OR10J1: variants seen among roughly 807,000 people sequenced by gnomAD.
OR10J1 encodes olfactory receptor 10J1.
For synonymous variants in OR10J1, 202 were observed against 143.8 expected, an observed-to-expected ratio of 1.40 and a Z score of -2.89; for missense variants, 474 against 376.6, an observed-to-expected ratio of 1.26 and a Z score of -2.14.
chr1:159,438,199 C>T (rs542394541), upstream of OR10J1, among the ~76,000 whole-genome samples: 2 of 152,222 alleles, frequency 1.3e-5, no homozygotes, highest in East Asian at 3.9e-4. Flanking sequence ...TATAGACTTC[C>T]AAGAGTGGGG....
the OR10J1 span, among the ~76,000 whole-genome samples, chr1:159,409,254 G>C: frequency 6.6e-6 from 1 of 152,050 alleles, no homozygotes; most frequent in Non-Finnish European, 1.5e-5. Context: ...TTCTGCAGTA[G>C]TGTGAATGAG....
At chr1:159,399,986 A>T in the OR10J1 span, among the ~76,000 whole-genome samples, 2 of 152,154 alleles carry the variant, frequency 1.3e-5, no homozygotes, top group Non-Finnish European at 2.9e-5. Flanking sequence ...TAGCATTTGT[A>T]AGCCTCATGT....
the OR10J1 span, among the ~76,000 whole-genome samples, chr1:159,400,582 T>G: frequency 1.3e-5 from 2 of 149,872 alleles, no homozygotes; most frequent in African/African-American, 2.4e-5. Flanking sequence ...TACATAAAAT[T>G]TAAATATAAA....
the OR10J1 span, among the ~76,000 whole-genome samples, chr1:159,424,276 A>G: frequency 1.3e-5 from 2 of 151,540 alleles, no homozygotes; most frequent in Non-Finnish European, 2.9e-5. Flanking sequence ...TTGGAAAAAA[A>G]TAGAGATAAT....
In OR10J1 at chr1:159,440,035, C is replaced by T; in HGVS notation, c.244C>T (p.Leu82Phe). 1.2e-6 allele frequency: 2 copies of T among 1,614,130 alleles called. No homozygotes were observed. The highest frequency in any genetic ancestry group is 1.7e-6 in the Non-Finnish European group (2 of 1,180,016). ...TACATTGGTCATTCTCCCAAGAATG[C>T]TCTCCAGCCTCGTAGGTATGAGCCA... ...VYTLVILPRM[L>F]SSLVGMSQPI... Residue 82 changes from leucine to phenylalanine, a missense_variant, in exon 1 of 1, where the codon CTC becomes TTC. By Grantham distance (22) the Leu-to-Phe change is conservative (BLOSUM62 0). Coordinates refer to ENST00000423932, the MANE Select transcript of OR10J1 (RefSeq NM_012351.3).
the OR10J1 span, among the ~76,000 whole-genome samples, chr1:159,426,549 A>G: frequency 6.6e-6 from 1 of 151,938 alleles, no homozygotes; most frequent in South Asian, 2.1e-4. Context: ...TGATAAAACT[A>G]CTAAGATAAA....
At chr1:159,402,684 C>T in the OR10J1 span, among the ~76,000 whole-genome samples, 1 of 151,914 alleles carries the variant, frequency 6.6e-6, no homozygotes, top group East Asian at 1.9e-4. Context: ...ATTTATAGTA[C>T]CCAAAGCTGT....
chr1:159,402,016 C>T, the OR10J1 span, among the ~76,000 whole-genome samples: 2 of 151,928 alleles, frequency 1.3e-5, no homozygotes, highest in African/African-American at 4.8e-5. Context: ...TTAACTGATG[C>T]TTAAAAAAGC....
At chr1:159,416,269 T>C in the OR10J1 span, among the ~76,000 whole-genome samples, 2 of 152,150 alleles carry the variant, frequency 1.3e-5, no homozygotes, top group Admixed American at 1.3e-4. Flanking sequence ...AGTTCTTAGA[T>C]AAAAGGCTTT....
the OR10J1 span, among the ~76,000 whole-genome samples, chr1:159,404,356 G>C: frequency 0.11 from 16,667 of 151,966 alleles, 1,148 homozygotes; most frequent in Admixed American, 0.15. Flanking sequence ...TATAGACTCC[G>C]GGAAAGGAAC....
the OR10J1 span, among the ~76,000 whole-genome samples, chr1:159,398,187 T>C: frequency 2.4e-4 from 36 of 152,312 alleles, no homozygotes; most frequent in Non-Finnish European, 4.3e-4. Flanking sequence ...ACGGCAGCAT[T>C]ATTGGGCTTA....
At chr1:159,400,242 GAAT>G in the OR10J1 span, among the ~76,000 whole-genome samples, 2 of 151,960 alleles carry the variant, frequency 1.3e-5, no homozygotes, top group South Asian at 4.2e-4. Context: ...CAATAACATT[GAAT>G]GCGAATGGAC....
chr1:159,419,762 A>G, the OR10J1 span, among the ~76,000 whole-genome samples: 2 of 152,122 alleles, frequency 1.3e-5, no homozygotes, highest in Admixed American at 6.6e-5. Flanking sequence ...TCTATTTTGG[A>G]GAATGTTTCT....
At chr1:159,410,632 A>G in the OR10J1 span, among the ~76,000 whole-genome samples, 5 of 150,334 alleles carry the variant, frequency 3.3e-5, no homozygotes, top group Non-Finnish European at 5.9e-5. Flanking sequence ...AATTTTGTTG[A>G]TCCTTTCAAA....
At chr1:159,424,598 C>T in the OR10J1 span, among the ~76,000 whole-genome samples, 1 of 151,578 alleles carries the variant, frequency 6.6e-6, no homozygotes, top group African/African-American at 2.4e-5. Context: ...TAAAAACAGG[C>T]TTCTACAAAA....
At chr1:159,415,908 T>C in the OR10J1 span, among the ~76,000 whole-genome samples, 1 of 150,438 alleles carries the variant, frequency 6.6e-6, no homozygotes, top group African/African-American at 2.4e-5. Flanking sequence ...CCTCCTTTGT[T>C]AAATTTATTC....
Position 159,440,718 on chromosome 1 carries a change from C to T in OR10J1, c.927C>T (p.Ser309=). The T allele has an allele frequency of 1.9e-6, 3 of 1,608,310 alleles. No homozygotes were observed. The South Asian group carries it at 3.3e-5, about 18-fold the overall frequency. Reference sequence around the variant, plus strand: ...GCAGGGCTGTTGGTGGGAAGTTTTCCTGACCATGTAGGAAGAGTTCTCCTG... The same window carrying T: ...GCAGGGCTGTTGGTGGGAAGTTTTCTTGACCATGTAGGAAGAGTTCTCCTG... ...ALCRAVGGKF[S] The change falls in exon 1 of 1, where the codon TCC becomes TCT. Residue 309 remains serine (S), a synonymous_variant. Coordinates refer to ENST00000423932, the MANE Select transcript of OR10J1 (RefSeq NM_012351.3).
At chr1:159,408,953 GAAGA>G in the OR10J1 span, among the ~76,000 whole-genome samples, 2 of 152,010 alleles carry the variant, frequency 1.3e-5, no homozygotes, top group Admixed American at 1.3e-4. Flanking sequence ...CTGCTATAAG[GAAGA>G]AAGAGAAACC....
At chr1:159,435,043 C>T (rs576524611), upstream of OR10J1, among the ~76,000 whole-genome samples, 16 of 152,150 alleles carry the variant, frequency 1.1e-4, no homozygotes, top group South Asian at 8.3e-4. Context: ...AACTATTCTC[C>T]GAGGGTCTTC....
Sources: allele counts gnomAD v4.1 joint callset (sites outside exome capture counted in the v4.1 genomes callset), GRCh38; gene constraint gnomAD v4.1.1; transcripts MANE v1.5; gene names NCBI Gene and HGNC (gene_info 2026-07-23, HGNC 2026-07-21).